GLG1: variants seen among roughly 807,000 people sequenced by gnomAD.
GLG1 encodes golgi glycoprotein 1.
A neutral mutation model predicts 160.5 loss-of-function variants in GLG1; 38 were observed. The observed-to-expected ratio is 0.24, with a 90% CI of 0.18 to 0.31. The LOEUF (loss-of-function observed/expected upper bound fraction) is 0.31. GLG1 is among the 10% of genes least tolerant of loss of function. GLG1 has a pLI of 1.00. For synonymous variants in GLG1, 644 were observed against 543.4 expected (o/e 1.19, Z -2.57); for missense variants, 1,373 against 1,505.2 (o/e 0.91, Z 1.45).
chr16:74,494,097 C>T (rs1278625838), intron 6 of GLG1, among the ~76,000 whole-genome samples: 3 of 151,864 alleles, frequency 2.0e-5, no homozygotes, highest in African/African-American at 7.3e-5. Context: ...CTTGCTTGAA[C>T]CCGGCAGGCA....
chr16:74,514,268 C>G (rs560321654), intron 2 of GLG1, among the ~76,000 whole-genome samples: 5 of 152,284 alleles, frequency 3.3e-5, no homozygotes, highest in African/African-American at 1.2e-4. Flanking sequence ...GGCCAACATT[C>G]AAATTCAGGA....
chr16:74,587,003 CTCTCTT>C (rs1854009806), intron 1 of GLG1, among the ~76,000 whole-genome samples: 1 of 72,656 alleles, frequency 1.4e-5, no homozygotes, highest in Non-Finnish European at 2.5e-5. Flanking sequence ...CCTCATTAAT[CTCTCTT>C]TCTAACAAAT....
chr16:74,491,453 C>T (rs989678497), intron 7 of GLG1, among the ~76,000 whole-genome samples: 3 of 152,110 alleles, frequency 2.0e-5, no homozygotes, highest in African/African-American at 7.2e-5. Flanking sequence ...TACTACTGCA[C>T]TAATAATGCA....
At chr16:74,586,414 T>G (rs1458380565) in intron 1 of GLG1, among the ~76,000 whole-genome samples, 1 of 152,196 alleles carries the variant, frequency 6.6e-6, no homozygotes, top group Non-Finnish European at 1.5e-5. Flanking sequence ...CAAGACAAGT[T>G]GACCACCTTG....
chr16:74,485,944 GA>G, intron 8 of GLG1, 27 bp from the exon 9 acceptor site: 1 of 1,598,440 alleles, frequency 6.3e-7, no homozygotes, highest in South Asian at 1.1e-5. Context: ...TAAGAAGGAA[GA>G]AAGAAAGTCA....
Position 74,503,517 on chromosome 16 carries a change from G to C in GLG1, c.774+14C>G. The C allele has an allele frequency of 6.5e-7, 1 of 1,533,552 alleles. No homozygotes were observed. Among genetic ancestry groups the C allele is most frequent in the Non-Finnish European group, 9.0e-7 (1 of 1,106,602 alleles). 95.0% of individuals were successfully genotyped at this position (1,533,552 alleles called of 1,614,324 possible). A position where few individuals can be genotyped will look rare whatever the true frequency, so the allele number is the denominator to read the frequency against. Reference sequence around the variant, plus strand: ...TTAAGACCCCTTTGTTGAAGCTAACGTAGTATTAGATACCTTTTCTCCAAG... The same window carrying C: ...TTAAGACCCCTTTGTTGAAGCTAACCTAGTATTAGATACCTTTTCTCCAAG... On this transcript the variant is annotated intron_variant, in intron 4 of 25. Transcript: ENST00000422840.
chr16:74,539,812 G>A (rs1882859172), intron 1 of GLG1, among the ~76,000 whole-genome samples: 1 of 146,940 alleles, frequency 6.8e-6, no homozygotes, highest in Non-Finnish European at 1.5e-5. Context: ...ACTTTGAGAA[G>A]TCAAATTACA....
At chr16:74,595,821 TAAAC>T (rs1376347102) in intron 1 of GLG1, among the ~76,000 whole-genome samples, 2 of 152,126 alleles carry the variant, frequency 1.3e-5, no homozygotes, top group Admixed American at 6.6e-5. Context: ...TTTTAAGACA[TAAAC>T]AATATAAAAA....
At chr16:74,589,457 T>C (rs1958125855) in intron 1 of GLG1, among the ~76,000 whole-genome samples, 1 of 152,126 alleles carries the variant, frequency 6.6e-6, no homozygotes, top group South Asian at 2.1e-4. Flanking sequence ...AATATTTTGG[T>C]GCAGCAAATT....
intron 1 of GLG1, among the ~76,000 whole-genome samples, chr16:74,533,651 C>T (rs914104555): frequency 4.0e-5 from 6 of 151,726 alleles, no homozygotes; most frequent in African/African-American, 7.3e-5. Context: ...CGTGGTGGCA[C>T]GCGCCTATAG....
chr16:74,580,346 C>CA (rs571328539), intron 1 of GLG1, among the ~76,000 whole-genome samples: 6 of 151,604 alleles, frequency 4.0e-5, no homozygotes, highest in Non-Finnish European at 8.8e-5. Flanking sequence ...AAAAACCAAA[C>CA]AAAAAAACCA....
chr16:74,496,665 A>G (rs2016199645), intron 4 of GLG1, 21 bp from the exon 5 acceptor site: 2 of 1,547,248 alleles, frequency 1.3e-6, no homozygotes, highest in Admixed American at 1.7e-5. Context: ...GAGGATATTA[A>G]TATTTTAAAA....
chr16:74,540,071 T>TATATTATA (rs1555514326), intron 1 of GLG1, among the ~76,000 whole-genome samples: 42 of 654 alleles, frequency 0.064, 20 homozygotes, highest in Non-Finnish European at 0.18. Flanking sequence ...TATATATATA[T>TATATTATA]TATATATATT....
chr16:74,481,640 A>G (rs1325570525), intron 10 of GLG1, among the ~76,000 whole-genome samples: 1 of 152,214 alleles, frequency 6.6e-6, no homozygotes, highest in East Asian at 1.9e-4. Context: ...ATAAGAATAT[A>G]TTGAATCTTC....
intron 4 of GLG1, 34 bp downstream of exon 4, chr16:74,503,496 GA>G: frequency 1.5e-6 from 2 of 1,365,578 alleles, no homozygotes; most frequent in Non-Finnish European, 2.1e-6. Flanking sequence ...CAAATTTTAA[GA>G]CCCCTTTGTT....
At chr16:74,541,324 C>CA (rs59761629) in intron 1 of GLG1, among the ~76,000 whole-genome samples, 28,608 of 71,562 alleles carry the variant, frequency 0.4, 4,950 homozygotes, top group Non-Finnish European at 0.47. Context: ...GCTCTGTCTC[C>CA]AAAAAAAAAA....
chr16:74,586,852 C>T (rs1486966545), intron 1 of GLG1, among the ~76,000 whole-genome samples: 7 of 152,094 alleles, frequency 4.6e-5, no homozygotes, highest in African/African-American at 1.2e-4. Flanking sequence ...CCCACCACCA[C>T]ACCCTGCTAA....
intron 2 of GLG1, among the ~76,000 whole-genome samples, chr16:74,527,793 C>G (rs979113612): frequency 6.6e-6 from 1 of 151,808 alleles, no homozygotes; most frequent in African/African-American, 2.4e-5. Context: ...GTGGCGGGAT[C>G]TCAGCTCACT....
intron 13 of GLG1, 127 bp from the exon 14 acceptor site, chr16:74,472,538 TTC>T: frequency 6.9e-7 from 1 of 1,446,538 alleles, no homozygotes; most frequent in Non-Finnish European, 9.3e-7. Flanking sequence ...TTGGAAACGA[TTC>T]TAGTATTTGA....
Sources: allele counts gnomAD v4.1 joint callset (sites outside exome capture counted in the v4.1 genomes callset), GRCh38; gene constraint gnomAD v4.1.1; transcripts MANE v1.5; gene names NCBI Gene and HGNC (gene_info 2026-07-23, HGNC 2026-07-21).